The following PTPRE variants were observed in gnomAD, a reference collection of about 807,000 sequenced individuals.
The protein encoded by PTPRE is protein tyrosine phosphatase receptor type E.
Under a neutral mutation model 102.0 loss-of-function variants are expected in PTPRE, and 51 were observed. The observed-to-expected ratio is 0.50, with a 90% CI of 0.40 to 0.63. The LOEUF is 0.63. PTPRE is among the 30% of genes least tolerant of loss of function. The pLI, the probability that PTPRE is intolerant of heterozygous loss-of-function variation, is 0.00. For missense variants in PTPRE, 752 were observed against 915.1 expected, an observed-to-expected ratio of 0.82 and a Z score of 2.30; for synonymous variants, 345 against 348.2, an observed-to-expected ratio of 0.99 and a Z score of 0.10.
intron 1 of PTPRE, among the ~76,000 whole-genome samples, chr10:127,915,542 C>T (rs979370834): frequency 6.6e-6 from 1 of 152,182 alleles, no homozygotes; most frequent in Non-Finnish European, 1.5e-5. Flanking sequence ...CAGTCATCTA[C>T]TGGAGATGTT....
intron 2 of PTPRE, among the ~76,000 whole-genome samples, chr10:128,016,676 G>T (rs1340277915): frequency 6.6e-6 from 1 of 152,000 alleles, no homozygotes; most frequent in Non-Finnish European, 1.5e-5. Context: ...AGCTCAGAGG[G>T]GACCACAGGG....
intron 2 of PTPRE, among the ~76,000 whole-genome samples, chr10:128,005,164 T>C (rs1314465457): frequency 1.3e-5 from 2 of 152,242 alleles, no homozygotes; most frequent in Non-Finnish European, 2.9e-5. Context: ...CATTTGAAAA[T>C]ACGTTTTCAC....
At chr10:128,074,903 C>A (rs1190150337) in intron 17 of PTPRE, among the ~76,000 whole-genome samples, 1 of 152,210 alleles carries the variant, frequency 6.6e-6, no homozygotes, top group African/African-American at 2.4e-5. Context: ...GTTCTAATTT[C>A]TCCACATCCT....
chr10:127,976,847 T>C (rs1851220607), intron 1 of PTPRE, among the ~76,000 whole-genome samples: 1 of 152,174 alleles, frequency 6.6e-6, no homozygotes, highest in Non-Finnish European at 1.5e-5. Context: ...ATGATATCAG[T>C]GCGAATCTGA....
At chr10:128,059,959 A>G (rs1037112604) in intron 7 of PTPRE, among the ~76,000 whole-genome samples, 1 of 150,498 alleles carries the variant, frequency 6.6e-6, no homozygotes, top group African/African-American at 2.4e-5. Context: ...CACACAACAC[A>G]CACACTACAC....
intron 1 of PTPRE, among the ~76,000 whole-genome samples, chr10:127,966,868 T>C (rs1850295304): frequency 6.6e-6 from 1 of 152,214 alleles, no homozygotes; most frequent in Non-Finnish European, 1.5e-5. Flanking sequence ...GTCATCCATA[T>C]GACCAACACC....
At chr10:128,061,160 C>A (rs9943415) in intron 8 of PTPRE, 145 bp downstream of exon 8, 76,855 of 657,486 alleles carry the variant, frequency 0.12, 5,573 homozygotes, top group East Asian at 0.23. Flanking sequence ...ACTGCCCGTG[C>A]TTTACACACT....
intron 1 of PTPRE, among the ~76,000 whole-genome samples, chr10:127,962,778 C>T (rs74159113): frequency 0.093 from 14,097 of 152,232 alleles, 738 homozygotes; most frequent in South Asian, 0.14. Flanking sequence ...GGGCAGAGGC[C>T]GGGGATGCAG....
intron 1 of PTPRE, among the ~76,000 whole-genome samples, chr10:127,966,370 A>T (rs1322994335): frequency 6.6e-6 from 1 of 152,232 alleles, no homozygotes; most frequent in Non-Finnish European, 1.5e-5. Flanking sequence ...TTTCTCAGAT[A>T]TCACATATTG....
chr10:127,931,818 C>G (rs1243676241), intron 1 of PTPRE, among the ~76,000 whole-genome samples: 1 of 152,176 alleles, frequency 6.6e-6, no homozygotes, highest in Admixed American at 6.5e-5. Flanking sequence ...CTGTTTATCT[C>G]CACAACACCA....
chr10:127,917,004 G>A (rs1256572450), intron 1 of PTPRE, among the ~76,000 whole-genome samples: 3 of 152,074 alleles, frequency 2.0e-5, no homozygotes, highest in African/African-American at 7.2e-5. Context: ...GCTCAGCTGT[G>A]AGTTTGAGAA....
At chr10:127,978,707 T>G (rs1767086870) in intron 1 of PTPRE, among the ~76,000 whole-genome samples, 1 of 152,070 alleles carries the variant, frequency 6.6e-6, no homozygotes, top group Admixed American at 6.6e-5. Flanking sequence ...TCACCAAGCC[T>G]CAGTGTCCTC....
rs1272204120 is a variant in PTPRE, at chr10:128,084,067, A to T, written c.*1161A>T. ...AATCTAAAAGCTAAATTATTTTTGA[A>T]TGGAAATACTACTGAGACCATTGAC... On this transcript the variant is annotated 3_prime_UTR_variant, in exon 21 of 21. Transcript: ENST00000254667. 6.6e-6 allele frequency: 1 copy of T among 152,124 alleles called. No homozygotes were observed. Among genetic ancestry groups the T allele is most frequent in the African/African-American group, 2.4e-5 (1 of 41,428 alleles). The allele number at this position is 152,124 out of a possible 1,614,324, so 9.4% of individuals were successfully genotyped here. A position where few individuals can be genotyped will look rare whatever the true frequency, so the allele number is the denominator to read the frequency against.
At position 127,987,201 on chromosome 10, in the gene PTPRE, G is replaced by A. The variant is rs374047562; in HGVS notation, c.-8+4905G>A. On this transcript the variant is annotated intron_variant, in intron 2 of 20. Coordinates refer to ENST00000254667, the MANE Select transcript of PTPRE (RefSeq NM_006504.6). Reference sequence around the variant, plus strand: ...TTTGTCACAGAGCAAAGGCATGGGCGTTAATCAGTCACAGTTTCCCCTAAG... The same window carrying A: ...TTTGTCACAGAGCAAAGGCATGGGCATTAATCAGTCACAGTTTCCCCTAAG... 2.6e-5 allele frequency: 14 copies of A among 537,474 alleles called. No individual in the cohort carries two copies. In the East Asian group the frequency reaches 3.7e-4, roughly 14 times the overall value. 33.3% of individuals were successfully genotyped at this position (537,474 alleles called of 1,614,324 possible).
chr10:127,922,223 A>G (rs1846653933), intron 1 of PTPRE, among the ~76,000 whole-genome samples: 1 of 152,236 alleles, frequency 6.6e-6, no homozygotes, highest in Admixed American at 6.5e-5. Context: ...AGTTCCATTC[A>G]TTCATTCACT....
Position 127,925,827 on chromosome 10 carries a change from GA to G in PTPRE, c.-31+18519del, listed in dbSNP as rs1846965499. On this transcript the variant is annotated intron_variant, in intron 1 of 20. Coordinates refer to ENST00000254667, the MANE Select transcript of PTPRE (RefSeq NM_006504.6). ...CAGGAAGGACCTCCCCTGGGAGGTG[GA>G]GCACTTTGGAGCAGCAGCTGATAGG... Among the ~76,000 whole-genome samples the G allele has an allele frequency of 2.0e-5, 3 of 152,232 alleles. No homozygotes were observed. In the South Asian group the frequency reaches 6.2e-4, roughly 32 times the overall value.
intron 1 of PTPRE, among the ~76,000 whole-genome samples, chr10:127,926,792 A>C (rs1048720438): frequency 2.1e-5 from 3 of 145,860 alleles, no homozygotes; most frequent in African/African-American, 7.6e-5. Context: ...AGACCAAGGG[A>C]AAGAGAGTTG....
At chr10:127,971,376 C>T (rs1339190588) in intron 1 of PTPRE, among the ~76,000 whole-genome samples, 4 of 152,136 alleles carry the variant, frequency 2.6e-5, no homozygotes, top group South Asian at 2.1e-4. Flanking sequence ...CCCTGGAGGG[C>T]GTCTCCATGT....
rs549899983 is a variant in PTPRE at position 127,978,664 on chromosome 10, T to C, written c.-30-3610T>C. Among the ~76,000 whole-genome samples, 10 of 152,168 alleles carry C rather than the reference T, an allele frequency of 6.6e-5. 1 individual carries two copies. The South Asian group carries it at 1.9e-3, about 28-fold the overall frequency. ...CCCCGGGCCGGCATTGCCGCTGCCC[T>C]GTCTCCTCGCTCTGTGATGCTGGTC... On this transcript the variant is annotated intron_variant, in intron 1 of 20. Coordinates refer to ENST00000254667, the MANE Select transcript of PTPRE (RefSeq NM_006504.6).
Sources: gnomAD v4.1 joint callset for allele counts (sites outside exome capture counted in the v4.1 genomes callset) on GRCh38, gnomAD v4.1.1 for gene constraint, MANE v1.5 for transcripts, NCBI Gene and HGNC (gene_info 2026-07-23, HGNC 2026-07-21) for gene names.